CSNK1E: variants seen among roughly 807,000 people sequenced by gnomAD.
The protein encoded by CSNK1E is casein kinase 1 epsilon.
Under a neutral mutation model 46.1 loss-of-function variants are expected in CSNK1E, and 17 were observed. The ratio of observed to expected loss-of-function variants is 0.37; its 90% CI spans 0.25 to 0.55. CSNK1E has a LOEUF of 0.55. Ranked by LOEUF, CSNK1E falls within the 20% of genes least tolerant of loss-of-function variation. The pLI is 0.82. For missense variants in CSNK1E, 386 were observed against 595.4 expected (o/e 0.65, Z 3.66); for synonymous variants, 241 against 242.6 (o/e 0.99, Z 0.06).
In CSNK1E at chr22:38,294,441, C is replaced by T. The variant is rs1386094264; in HGVS notation, c.979G>A (p.Ala327Thr). 1 of 1,569,888 alleles carries T rather than the reference C, an allele frequency of 6.4e-7. No homozygotes were observed. Among genetic ancestry groups the T allele is most frequent in the Admixed American group, 1.8e-5 (1 of 54,378 alleles). The change falls in exon 8 of 11, where the codon GCC (alanine) becomes ACC (threonine). Residue 327 changes from alanine (A) to threonine (T), a missense_variant. Physicochemically the swap from Ala to Thr is moderately conservative, Grantham distance 58 (BLOSUM62 0). This residue lies in a region of CSNK1E where 174 missense variants were observed against 185.2 expected (regional missense o/e 0.94). Coordinates refer to ENST00000396832, the MANE Select transcript of CSNK1E (RefSeq NM_152221.3). This position sits in a 1 kb window ranked among gnomAD's most constrained non-coding sequence, Gnocchi z 5.5. ...MGQLRGSATR[A>T]LPPGPPTGAT... ...CCCGTGGGTGGGCCAGGGGGCAGGGCTCGGGTCGCGGACCCCCGTAGCTGC... is the reference window on the plus strand; with the variant it reads ...CCCGTGGGTGGGCCAGGGGGCAGGGTTCGGGTCGCGGACCCCCGTAGCTGC...
In CSNK1E at chr22:38,298,690, C is replaced by T. The variant is rs895747732; in HGVS notation, c.885+96G>A. 1.5e-5 allele frequency: 21 copies of T among 1,435,670 alleles called. No individual in the cohort carries two copies. Among genetic ancestry groups the T allele is most frequent in the Admixed American group, 8.5e-5 (5 of 58,870 alleles). 88.9% of individuals were successfully genotyped at this position (1,435,670 alleles called of 1,614,324 possible). A position where few individuals can be genotyped will look rare whatever the true frequency, so the allele number is the denominator to read the frequency against. On this transcript the variant is annotated intron_variant, in intron 7 of 10. Coordinates refer to ENST00000396832, the MANE Select transcript of CSNK1E (RefSeq NM_152221.3). This position sits in a 1 kb window ranked among gnomAD's most constrained non-coding sequence, Gnocchi z 4.2. ...TGTCCAGCTCGTACCTCCCGTCTGT[C>T]GGGAGCCCCTCCCGCCACCAGCTCA...
At chr22:38,306,848 C>T (rs1265279195) in intron 2 of CSNK1E, among the ~76,000 whole-genome samples, 5 of 152,192 alleles carry the variant, frequency 3.3e-5, no homozygotes, top group South Asian at 2.1e-4. Context: ...ATCAAAAATA[C>T]GTGGGGGGAG....
At position 38,294,508 on chromosome 22, in the gene CSNK1E, C is replaced by T. The variant is rs1188335584; in HGVS notation, c.912G>A (p.Val304=). Residue 304 remains valine (V), a synonymous_variant, in exon 8 of 11, where the codon GTG becomes GTA. Coordinates refer to ENST00000396832, the MANE Select transcript of CSNK1E (RefSeq NM_152221.3). This position sits in a 1 kb window ranked among gnomAD's most constrained non-coding sequence, Gnocchi z 5.5. ...KFGAARNPED[V]DRERREHERE... ...GTTCGTGTTCTCGCCGCTCCCGGTC[C>T]ACATCCTCGGGATTCCGGGCTGCAC... is the stretch of plus-strand genomic sequence containing the variant. 1.3e-6 allele frequency: 2 copies of T among 1,596,220 alleles called. No individual in the cohort carries two copies. Among genetic ancestry groups the T allele is most frequent in the Middle Eastern group, 1.7e-4 (1 of 6,012 alleles).
chr22:38,297,240 C>T (rs2092645738), intron 7 of CSNK1E: 3 of 717,674 alleles, frequency 4.2e-6, no homozygotes, highest in South Asian at 1.5e-5. Context: ...GTGACTATCT[C>T]GATAAGAAAG....
At chr22:38,316,090 C>T (rs2092744078) in intron 1 of CSNK1E, among the ~76,000 whole-genome samples, 1 of 150,294 alleles carries the variant, frequency 6.7e-6, no homozygotes, top group Non-Finnish European at 1.5e-5. Flanking sequence ...TCTTTTGCTG[C>T]TTCTCCCATG....
chr22:38,294,478 C>T lies in CSNK1E; in HGVS notation c.942G>A (p.Glu314=). The T allele has an allele frequency of 3.1e-6, 5 of 1,593,578 alleles. No individual in the cohort carries two copies. Among genetic ancestry groups the T allele is most frequent in the Non-Finnish European group, 4.3e-6 (5 of 1,171,274 alleles). Residue 314 remains glutamate, a synonymous_variant, in exon 8 of 11, where the codon GAG becomes GAA. Coordinates refer to ENST00000396832, the MANE Select transcript of CSNK1E (RefSeq NM_152221.3). The surrounding 1 kb of genome is among the most constrained non-coding windows in gnomAD (Gnocchi z 5.5). ...VDRERREHER[E]ERMGQLRGSA... Reference sequence around the variant, plus strand: ...ACCCCCGTAGCTGCCCCATCCTCTCCTCGCGTTCGTGTTCTCGCCGCTCCC... The same window carrying T: ...ACCCCCGTAGCTGCCCCATCCTCTCTTCGCGTTCGTGTTCTCGCCGCTCCC...
chr22:38,310,727 G>A (rs2092717137), intron 2 of CSNK1E, among the ~76,000 whole-genome samples: 1 of 152,196 alleles, frequency 6.6e-6, no homozygotes, highest in Non-Finnish European at 1.5e-5. Context: ...TCTCTTGGCT[G>A]ACCCCTTATG....
rs1180088466 is a variant in CSNK1E at position 38,303,405 on chromosome 22, C to T, written c.77-157G>A. ...GGAGGCTGGGAAGGGGGCAAAGGAG[C>T]CCCGGCAAAGGGTTCCTGAGGGGAA... On this transcript the variant is annotated intron_variant, in intron 2 of 10. Coordinates refer to ENST00000396832, the MANE Select transcript of CSNK1E (RefSeq NM_152221.3). This position sits in a 1 kb window ranked among gnomAD's most constrained non-coding sequence, Gnocchi z 4.7. 6.6e-6 allele frequency among the ~76,000 whole-genome samples: 1 copy of T among 152,172 alleles called. No homozygotes were observed. Among genetic ancestry groups the T allele is most frequent in the African/African-American group, 2.4e-5 (1 of 41,422 alleles).
chr22:38,300,404 T>C lies in CSNK1E; in HGVS notation c.565+320A>G, dbSNP rs748608039. On this transcript the variant is annotated intron_variant, in intron 5 of 10. Coordinates refer to ENST00000396832, the MANE Select transcript of CSNK1E (RefSeq NM_152221.3). This position sits in a 1 kb window ranked among gnomAD's most constrained non-coding sequence, Gnocchi z 4.4. ...GACAGGGCCGGGGTCAAGTCCAGCTTTGGCATTAGCTAAGCTGCATGACCT... is the reference window on the plus strand; with the variant it reads ...GACAGGGCCGGGGTCAAGTCCAGCTCTGGCATTAGCTAAGCTGCATGACCT... Among the ~76,000 whole-genome samples the C allele has an allele frequency of 7.9e-5, 12 of 152,178 alleles. No individual in the cohort carries two copies. Among genetic ancestry groups the C allele is most frequent in the Non-Finnish European group, 1.5e-4 (10 of 68,036 alleles).
rs1210291809 is a variant in CSNK1E at position 38,300,009 on chromosome 22, G to A, written c.622C>T (p.Leu208=). ...SLGYVLMYFN[L]GSLPWQGLKA... ...AGCCCCTGCCAGGGCAGGGAGCCCA[G>A]GTTGAAGTACATGAGCACGTAGCCC... Residue 208 remains leucine, a synonymous_variant, in exon 6 of 11, where the codon CTG becomes TTG. Transcript: ENST00000396832. The surrounding 1 kb of genome is among the most constrained non-coding windows in gnomAD (Gnocchi z 4.4). 4.3e-6 allele frequency: 7 copies of A among 1,614,070 alleles called. No homozygotes were observed. Among genetic ancestry groups the A allele is most frequent in the Admixed American group, 1.7e-5 (1 of 60,012 alleles).
intron 1 of CSNK1E, among the ~76,000 whole-genome samples, chr22:38,314,795 C>T (rs922477652): frequency 2.6e-5 from 4 of 152,176 alleles, no homozygotes; most frequent in Admixed American, 6.5e-5. Context: ...GGGTTTTAGC[C>T]GCCTGCCCCG....
intron 6 of CSNK1E, 50 bp downstream of exon 6, chr22:38,299,845 A>T: frequency 1.3e-6 from 2 of 1,590,452 alleles, no homozygotes; most frequent in South Asian, 2.2e-5. Flanking sequence ...TTTCCCTTAG[A>T]CAGTGCCTCA....
rs533879848 is a variant in CSNK1E, at chr22:38,317,347, T to TCGC, written c.-203_-201dup. ...CCGGCCGGGCTCTGGCTCTGGGCTC[T>TCGC]CGCCGCCGCCGCCGCCGCCGCCGCC... is the stretch of plus-strand genomic sequence containing the variant. On this transcript the variant is annotated 5_prime_UTR_variant, in exon 1 of 11. Transcript: ENST00000396832. 1,961 of 123,516 alleles carry TCGC rather than the reference T, an allele frequency of 0.016. 25 individuals carry two copies. Among genetic ancestry groups the TCGC allele is most frequent in the African/African-American group, 0.024 (738 of 30,686 alleles). The allele number at this position is 123,516 out of a possible 1,614,324, so 7.7% of individuals were successfully genotyped here. A position where few individuals can be genotyped will look rare whatever the true frequency, so the allele number is the denominator to read the frequency against.
intron 2 of CSNK1E, among the ~76,000 whole-genome samples, chr22:38,308,976 G>A (rs2145847321): frequency 6.6e-6 from 1 of 152,308 alleles, no homozygotes; most frequent in African/African-American, 2.4e-5. Context: ...ATGTTCAGGT[G>A]TGTGATCACA....
intron 7 of CSNK1E, chr22:38,297,248 A>C (rs1402474011): frequency 2.8e-6 from 2 of 704,450 alleles, no homozygotes; most frequent in South Asian, 1.5e-5. Context: ...CTCGATAAGA[A>C]AGTGCCCAGT....
intron 6 of CSNK1E, among the ~76,000 whole-genome samples, chr22:38,299,383 T>C (rs2092658734): frequency 6.6e-6 from 1 of 152,180 alleles, no homozygotes; most frequent in African/African-American, 2.4e-5. Flanking sequence ...CCTTGGGAGA[T>C]GAGGCAGGAA....
rs2092663387 is a variant in CSNK1E at position 38,300,155 on chromosome 22, G to A, written c.566-90C>T. ...GGGTCATGCTCCTCACAATGCACCA[G>A]GACCCTCCTGCCCCCACGTCGGATG... On this transcript the variant is annotated intron_variant, in intron 5 of 10. Transcript: ENST00000396832. This position sits in a 1 kb window ranked among gnomAD's most constrained non-coding sequence, Gnocchi z 4.4. 1 of 1,265,102 alleles carries A rather than the reference G, an allele frequency of 7.9e-7. No individual in the cohort carries two copies. The highest frequency in any genetic ancestry group is 2.4e-5 in the East Asian group (1 of 40,888). 78.4% of individuals were successfully genotyped at this position (1,265,102 alleles called of 1,614,324 possible). A position where few individuals can be genotyped will look rare whatever the true frequency, so the allele number is the denominator to read the frequency against.
At chr22:38,297,766 C>G (rs146234436) in intron 7 of CSNK1E, 21 of 998,624 alleles carry the variant, frequency 2.1e-5, no homozygotes, top group Admixed American at 5.4e-5. Context: ...CATGGCAGGG[C>G]CTTTTCCACC....
At chr22:38,315,837 T>A (rs1054234914) in intron 1 of CSNK1E, among the ~76,000 whole-genome samples, 2 of 152,082 alleles carry the variant, frequency 1.3e-5, no homozygotes, top group African/African-American at 4.8e-5. Context: ...ATAAATATAC[T>A]GCACATGACC....
Sources: allele counts gnomAD v4.1 joint callset (sites outside exome capture counted in the v4.1 genomes callset), GRCh38; gene constraint gnomAD v4.1.1; regional missense constraint gnomAD v4.1.1; non-coding constraint Gnocchi (gnomAD v3.1); transcripts MANE v1.5; gene names NCBI Gene and HGNC (gene_info 2026-07-23, HGNC 2026-07-21).